The following TENM3 variants were observed in gnomAD, a reference collection of about 807,000 sequenced individuals.
TENM3 encodes teneurin-3.
A neutral mutation model predicts 255.1 loss-of-function variants in TENM3; 63 were observed. The observed-to-expected ratio is 0.25, with a 90% CI of 0.20 to 0.30. The LOEUF is 0.30. Ranked by LOEUF, TENM3 falls within the 10% of genes least tolerant of loss-of-function variation. TENM3 has a pLI of 1.00. For synonymous variants in TENM3, 1,306 were observed against 1,322.3 expected (o/e 0.99, Z 0.27); for missense variants, 2,929 against 3,461.1 (o/e 0.85, Z 3.86).
At chr4:182,659,129 C>T (rs74876119) in intron 6 of TENM3, among the ~76,000 whole-genome samples, 5 of 152,276 alleles carry the variant, frequency 3.3e-5, no homozygotes, top group East Asian at 1.9e-4. Context: ...CACAAGGGCA[C>T]GTGGGATGGA....
At chr4:182,073,359 G>A in the TENM3 span, among the ~76,000 whole-genome samples, 1 of 152,184 alleles carries the variant, frequency 6.6e-6, no homozygotes, top group Non-Finnish European at 1.5e-5. Context: ...TACAATTCAA[G>A]ATGAAATTTG....
At chr4:181,972,410 G>C in the TENM3 span, among the ~76,000 whole-genome samples, 1 of 140,978 alleles carries the variant, frequency 7.1e-6, no homozygotes, top group Non-Finnish European at 1.5e-5. Context: ...ACTCCAACCC[G>C]GATGACAGAG....
chr4:182,450,425 CCAGG>C (rs1773358485), intron 3 of TENM3, among the ~76,000 whole-genome samples: 1 of 152,046 alleles, frequency 6.6e-6, no homozygotes, highest in Non-Finnish European at 1.5e-5. Context: ...CAGCGGACTC[CCAGG>C]TATTAAAATG....
intron 1 of TENM3, among the ~76,000 whole-genome samples, chr4:182,220,923 T>C (rs1755817233): frequency 6.6e-6 from 1 of 152,236 alleles, no homozygotes; most frequent in African/African-American, 2.4e-5. Flanking sequence ...TTAGAAGAAG[T>C]CTTAAGCCCC....
chr4:182,450,727 A>G (rs1465522393), intron 3 of TENM3, among the ~76,000 whole-genome samples: 1 of 152,216 alleles, frequency 6.6e-6, no homozygotes, highest in African/African-American at 2.4e-5. Context: ...AAAGACTGAA[A>G]TTAGGGTACA....
the TENM3 span, among the ~76,000 whole-genome samples, chr4:182,016,463 T>C: frequency 6.6e-6 from 1 of 152,218 alleles, no homozygotes; most frequent in African/African-American, 2.4e-5. Context: ...GAACCTACCG[T>C]CCCCAGTGAT....
At chr4:181,719,808 C>T in the TENM3 span, among the ~76,000 whole-genome samples, 3 of 152,174 alleles carry the variant, frequency 2.0e-5, no homozygotes, top group African/African-American at 7.2e-5. Context: ...TAAATGATGC[C>T]TTGATGCTCG....
At chr4:181,884,179 G>A in the TENM3 span, among the ~76,000 whole-genome samples, 3 of 152,108 alleles carry the variant, frequency 2.0e-5, no homozygotes, top group East Asian at 1.9e-4. Flanking sequence ...AGTTTATGTG[G>A]CTACCCTGGT....
At chr4:182,430,136 A>G (rs1308168526) in intron 3 of TENM3, among the ~76,000 whole-genome samples, 3 of 152,228 alleles carry the variant, frequency 2.0e-5, no homozygotes, top group Admixed American at 2.0e-4. Context: ...AGCAGGTGGA[A>G]AAAACATTTG....
At chr4:181,524,319 A>T in the TENM3 span, among the ~76,000 whole-genome samples, 1 of 152,200 alleles carries the variant, frequency 6.6e-6, no homozygotes, top group African/African-American at 2.4e-5. Flanking sequence ...ATTGATTAGG[A>T]TAACAAAAAC....
chr4:182,234,854 G>A (rs933721923), intron 1 of TENM3, among the ~76,000 whole-genome samples: 13 of 152,260 alleles, frequency 8.5e-5, no homozygotes, highest in South Asian at 6.2e-4. Flanking sequence ...GAGATATACC[G>A]AATGTTATGG....
At chr4:181,652,581 C>T in the TENM3 span, among the ~76,000 whole-genome samples, 1 of 152,180 alleles carries the variant, frequency 6.6e-6, no homozygotes. Flanking sequence ...TGGACTGCAC[C>T]TTTCCAGCAT....
At chr4:182,516,982 A>G (rs1273906321) in intron 3 of TENM3, among the ~76,000 whole-genome samples, 1 of 152,178 alleles carries the variant, frequency 6.6e-6, no homozygotes, top group Non-Finnish European at 1.5e-5. Context: ...TCTTTGGAGT[A>G]GGAAGAATGA....
At chr4:182,086,057 G>T in the TENM3 span, among the ~76,000 whole-genome samples, 1 of 152,158 alleles carries the variant, frequency 6.6e-6, no homozygotes, top group South Asian at 2.1e-4. Context: ...CCTTTGAAAA[G>T]GGCTGACACT....
At chr4:182,021,135 A>G in the TENM3 span, among the ~76,000 whole-genome samples, 1 of 152,108 alleles carries the variant, frequency 6.6e-6, no homozygotes, top group Non-Finnish European at 1.5e-5. Flanking sequence ...CCCAATGTTT[A>G]GCTCCCACTT....
At chr4:182,447,752 C>A (rs547916703) in intron 3 of TENM3, among the ~76,000 whole-genome samples, 28 of 152,134 alleles carry the variant, frequency 1.8e-4, no homozygotes, top group African/African-American at 6.7e-4. Context: ...TTCCTTGTTT[C>A]TTTATAAAAA....
intron 3 of TENM3, among the ~76,000 whole-genome samples, chr4:182,366,769 CTTTAGACA>C (rs1450984859): frequency 6.6e-6 from 1 of 151,936 alleles, no homozygotes; most frequent in Non-Finnish European, 1.5e-5. Flanking sequence ...AATGTGTAAC[CTTTAGACA>C]CTGTAAAAAA....
intron 3 of TENM3, among the ~76,000 whole-genome samples, chr4:182,431,032 TAAATAAACAAACAAAC>T (rs766868416): frequency 1.3e-4 from 13 of 100,368 alleles, no homozygotes; most frequent in East Asian, 1.2e-3. Flanking sequence ...AATAAATAAA[TAAATAAACAAACAAAC>T]AAACAAACAA....
the TENM3 span, among the ~76,000 whole-genome samples, chr4:181,983,072 T>C: frequency 6.6e-6 from 1 of 152,148 alleles, no homozygotes; most frequent in East Asian, 1.9e-4. Context: ...AATACTTGAA[T>C]GCAATACTGT....
Sources: allele counts gnomAD v4.1 joint callset (sites outside exome capture counted in the v4.1 genomes callset), GRCh38; gene constraint gnomAD v4.1.1; transcripts MANE v1.5; gene names NCBI Gene and HGNC (gene_info 2026-07-23, HGNC 2026-07-21).